Variants in SENP2 observed in about 807,000 individuals in gnomAD.
The protein encoded by SENP2 is SUMO specific peptidase 2.
In SENP2, 16 loss-of-function variants were observed where a neutral mutation model predicts 86.3. That is an observed-to-expected ratio of 0.19 (90% CI 0.13 to 0.28). The LOEUF (loss-of-function observed/expected upper bound fraction) is 0.28, where lower values mean the gene tolerates loss of function less well. Among genes scored for constraint, SENP2 ranks in the 10% least tolerant of loss-of-function variants. The probability of loss-of-function intolerance (pLI) is 1.00; values close to 1 mark genes in which losing one functional copy is unlikely to be tolerated. For missense variants in SENP2, 552 were observed against 703.0 expected, an observed-to-expected ratio of 0.79 and a Z score of 2.43; for synonymous variants, 222 against 238.7, an observed-to-expected ratio of 0.93 and a Z score of 0.64.
chr3:185,626,795 T>C (rs556658575), intron 16 of SENP2, among the ~76,000 whole-genome samples: 3 of 135,088 alleles, frequency 2.2e-5, no homozygotes, highest in Non-Finnish European at 3.1e-5. Context: ...ATAAAATAAA[T>C]AGTAGTAGCT....
intron 14 of SENP2, among the ~76,000 whole-genome samples, chr3:185,622,646 C>T (rs2148994528): frequency 6.6e-6 from 1 of 152,060 alleles, no homozygotes; most frequent in African/African-American, 2.4e-5. Context: ...AAATGGTTCT[C>T]TTCTAGTCTT....
intron 8 of SENP2, 32 bp downstream of exon 8, chr3:185,611,777 T>C: frequency 1.4e-6 from 2 of 1,456,974 alleles, no homozygotes; most frequent in Non-Finnish European, 1.9e-6. Context: ...TGTCTTAATA[T>C]ATTGACCTTA....
intron 11 of SENP2, 73 bp downstream of exon 11, chr3:185,614,813 T>G (rs1711543623): frequency 2.0e-6 from 3 of 1,471,898 alleles, no homozygotes; most frequent in South Asian, 2.4e-5. Flanking sequence ...CTTGAATGTT[T>G]TGTTTTGAGG....
At chr3:185,617,013 G>A (rs926924519) in intron 11 of SENP2, among the ~76,000 whole-genome samples, 1 of 152,124 alleles carries the variant, frequency 6.6e-6, no homozygotes, top group African/African-American at 2.4e-5. Flanking sequence ...CACCATGTTT[G>A]ACTCATAGTG....
rs1382694574 is a variant in SENP2, at chr3:185,586,598, G to T, written c.101+84G>T. The T allele has an allele frequency of 2.2e-6, 3 of 1,348,154 alleles. No homozygotes were observed. Among genetic ancestry groups the T allele is most frequent in the Non-Finnish European group, 3.1e-6 (3 of 956,890 alleles). 83.5% of individuals were successfully genotyped at this position (1,348,154 alleles called of 1,614,324 possible). A position where few individuals can be genotyped will look rare whatever the true frequency, so the allele number is the denominator to read the frequency against. On this transcript the variant is annotated intron_variant, in intron 1 of 16. Transcript: ENST00000296257. This position sits in a 1 kb window ranked among gnomAD's most constrained non-coding sequence, Gnocchi z 4.3. ...CCTCGGCCGTGATAGCTTTGATTCA[G>T]CCAGGCTCACCCGAAACAGGTCGCC...
intron 10 of SENP2, 172 bp from the exon 11 acceptor site, chr3:185,614,392 T>A (rs1711522716): frequency 1.6e-6 from 1 of 624,928 alleles, no homozygotes. Flanking sequence ...GTCTGGAGCT[T>A]TTTTTGCTCC....
chr3:185,598,267 A>T (rs146032713), intron 2 of SENP2, 145 bp from the exon 3 acceptor site: 1 of 831,002 alleles, frequency 1.2e-6, no homozygotes, highest in African/African-American at 1.7e-5. Context: ...CAGCCTCCCA[A>T]AGTGTTGGGA....
intron 16 of SENP2, among the ~76,000 whole-genome samples, chr3:185,629,449 A>G (rs1195890045): frequency 6.6e-6 from 1 of 152,100 alleles, no homozygotes; most frequent in Non-Finnish European, 1.5e-5. Flanking sequence ...GTGCTGGCAC[A>G]TACCTGTAGT....
chr3:185,610,286 G>A (rs1722645640), intron 7 of SENP2, among the ~76,000 whole-genome samples: 1 of 150,602 alleles, frequency 6.6e-6, no homozygotes, highest in African/African-American at 2.4e-5. Context: ...TCAGCCTCCT[G>A]AGTAGCTGGG....
At chr3:185,587,413 A>G (rs1721820898) in intron 1 of SENP2, among the ~76,000 whole-genome samples, 1 of 152,142 alleles carries the variant, frequency 6.6e-6, no homozygotes, top group Non-Finnish European at 1.5e-5. Context: ...GACTGCAGGC[A>G]TGAGCCACTG....
chr3:185,609,203 A>T, intron 6 of SENP2, 44 bp from the exon 7 acceptor site: 1 of 1,385,530 alleles, frequency 7.2e-7, no homozygotes, highest in Non-Finnish European at 1.0e-6. Flanking sequence ...TTAATTATAA[A>T]TTTAATGTGC....
At chr3:185,618,661 G>A (rs951770978) in intron 12 of SENP2, among the ~76,000 whole-genome samples, 5 of 152,104 alleles carry the variant, frequency 3.3e-5, no homozygotes, top group Admixed American at 6.5e-5. Context: ...GGCGGATCAC[G>A]AGGTCAGGAG....
At chr3:185,623,044 C>T (rs957466907) in intron 14 of SENP2, among the ~76,000 whole-genome samples, 1 of 151,900 alleles carries the variant, frequency 6.6e-6, no homozygotes, top group South Asian at 2.1e-4. Flanking sequence ...CTTGAACTCC[C>T]AACCTCAGGT....
intron 1 of SENP2, among the ~76,000 whole-genome samples, chr3:185,587,732 ATTTTTTTT>A (rs59565990): frequency 2.7e-5 from 2 of 73,028 alleles, no homozygotes; most frequent in African/African-American, 1.2e-4. Flanking sequence ...ATGCCCGGCT[ATTTTTTTT>A]TTTTTTTTTT....
chr3:185,602,287 A>G (rs1367847494), intron 5 of SENP2, among the ~76,000 whole-genome samples: 1 of 152,146 alleles, frequency 6.6e-6, no homozygotes, highest in African/African-American at 2.4e-5. Context: ...TAAATGGCTG[A>G]TTGTAGGGCT....
intron 7 of SENP2, 102 bp downstream of exon 7, chr3:185,609,452 C>T: frequency 1.3e-6 from 1 of 775,834 alleles, no homozygotes; most frequent in Non-Finnish European, 2.2e-6. Flanking sequence ...AAGAGGTTAA[C>T]CCTGAGAGAA....
At chr3:185,627,706 T>C (rs1712217516) in intron 16 of SENP2, among the ~76,000 whole-genome samples, 1 of 152,102 alleles carries the variant, frequency 6.6e-6, no homozygotes, top group Non-Finnish European at 1.5e-5. Context: ...CCACCGCGCC[T>C]GGCCTGTTCT....
chr3:185,588,831 T>C (rs1027453899), intron 1 of SENP2, among the ~76,000 whole-genome samples: 5 of 152,220 alleles, frequency 3.3e-5, no homozygotes, highest in African/African-American at 1.2e-4. Context: ...TCCCTATTTA[T>C]GGAATAAGGG....
At chr3:185,617,051 G>T (rs545326184) in intron 11 of SENP2, among the ~76,000 whole-genome samples, 1 of 152,144 alleles carries the variant, frequency 6.6e-6, no homozygotes, top group Non-Finnish European at 1.5e-5. Context: ...GGAAAATTGA[G>T]ACTATACTTT....
Sources: allele counts gnomAD v4.1 joint callset (sites outside exome capture counted in the v4.1 genomes callset), GRCh38; gene constraint gnomAD v4.1.1; non-coding constraint Gnocchi (gnomAD v3.1); transcripts MANE v1.5; gene names NCBI Gene and HGNC (gene_info 2026-07-23, HGNC 2026-07-21).